PRDM16: variants seen among roughly 807,000 people sequenced by gnomAD.
PRDM16 encodes PR/SET domain 16, also known as histone-lysine N-methyltransferase PRDM16.
In PRDM16, 23 loss-of-function variants were observed where a neutral mutation model predicts 110.6. That is an observed-to-expected ratio of 0.21 (90% CI 0.15 to 0.29). The LOEUF (loss-of-function observed/expected upper bound fraction) is 0.29. Among genes scored for constraint, PRDM16 ranks in the 10% least tolerant of loss-of-function variants. The probability of loss-of-function intolerance (pLI) is 1.00; values close to 1 mark genes in which losing one functional copy is unlikely to be tolerated. For synonymous variants in PRDM16, 799 were observed against 781.8 expected, an observed-to-expected ratio of 1.02 and a Z score of -0.37; for missense variants, 1,615 against 1,794.3, an observed-to-expected ratio of 0.90 and a Z score of 1.81.
chr1:3,248,678 A>G (rs568130351), intron 3 of PRDM16, among the ~76,000 whole-genome samples: 4 of 152,352 alleles, frequency 2.6e-5, no homozygotes, highest in Non-Finnish European at 5.9e-5. Context: ...TATTATTATT[A>G]CGTACAAAAT....
chr1:3,271,396 G>A (rs1226785574), intron 3 of PRDM16, among the ~76,000 whole-genome samples: 2 of 152,172 alleles, frequency 1.3e-5, no homozygotes, highest in African/African-American at 4.8e-5. Flanking sequence ...GTGACTAAGG[G>A]AAGTTTGGGG....
chr1:3,255,002 G>A lies in PRDM16; in HGVS notation c.438+10865G>A, dbSNP rs539390399. ...GAACAGAGCCCTCAGAAATAACGCCGCATGTCTACAACTATCTGATCTTTG... is the reference window on the plus strand; with the variant it reads ...GAACAGAGCCCTCAGAAATAACGCCACATGTCTACAACTATCTGATCTTTG... On this transcript the variant is annotated intron_variant, in intron 3 of 16. Transcript: ENST00000270722. The surrounding 1 kb of genome is among the most constrained non-coding windows in gnomAD (Gnocchi z 4.7). Among the ~76,000 whole-genome samples the A allele has an allele frequency of 3.0e-4, 46 of 152,146 alleles. 2 individuals carry two copies. In the South Asian group the frequency reaches 4.8e-3, roughly 16 times the overall value.
Position 3,118,126 on chromosome 1 carries a change from T to C in PRDM16, c.37+48830T>C, listed in dbSNP as rs566976608. Among the ~76,000 whole-genome samples, 1,150 of 151,100 alleles carry C rather than the reference T, an allele frequency of 7.6e-3. 16 individuals carry two copies. Among genetic ancestry groups the C allele is most frequent in the African/African-American group, 0.026 (1,087 of 41,228 alleles). On this transcript the variant is annotated intron_variant, in intron 1 of 16. Coordinates refer to ENST00000270722, the MANE Select transcript of PRDM16 (RefSeq NM_022114.4). Reference sequence around the variant, plus strand: ...GCATGTGTGTGTGCGTGTGCGTGTGTGCGTGTGTACATGCATGTGTGTGCA... The same window carrying C: ...GCATGTGTGTGTGCGTGTGCGTGTGCGCGTGTGTACATGCATGTGTGTGCA...
intron 1 of PRDM16, among the ~76,000 whole-genome samples, chr1:3,099,430 C>T (rs1642481948): frequency 6.6e-6 from 1 of 152,244 alleles, no homozygotes; most frequent in South Asian, 2.1e-4. Context: ...CCCCGGAGCC[C>T]CGGATGCTCA....
intron 3 of PRDM16, among the ~76,000 whole-genome samples, chr1:3,325,663 G>A (rs1641872515): frequency 6.6e-6 from 1 of 152,172 alleles, no homozygotes; most frequent in Non-Finnish European, 1.5e-5. Flanking sequence ...GGGAGGTCAG[G>A]GTTGGCTCCT....
At chr1:3,352,628 T>C (rs1013894038) in intron 3 of PRDM16, among the ~76,000 whole-genome samples, 30 of 152,268 alleles carry the variant, frequency 2.0e-4, no homozygotes, top group Non-Finnish European at 4.4e-4. Flanking sequence ...CAGCACAGCT[T>C]GTTCCCGAAT....
intron 1 of PRDM16, among the ~76,000 whole-genome samples, chr1:3,118,454 G>A (rs747523196): frequency 1.3e-5 from 2 of 152,146 alleles, no homozygotes; most frequent in Non-Finnish European, 2.9e-5. Flanking sequence ...GCTGGCAAGG[G>A]GGCAGCTTTG....
intron 3 of PRDM16, among the ~76,000 whole-genome samples, chr1:3,256,786 G>A (rs1052517528): frequency 1.3e-5 from 2 of 152,128 alleles, no homozygotes; most frequent in African/African-American, 4.8e-5. Flanking sequence ...GAACCCAGGA[G>A]GCAGAGCTTG....
At chr1:3,249,447 G>A (rs547516592) in intron 3 of PRDM16, among the ~76,000 whole-genome samples, 9 of 151,756 alleles carry the variant, frequency 5.9e-5, no homozygotes, top group South Asian at 2.1e-4. Context: ...GGTTCAGACC[G>A]CCTTTTCCCG....
At chr1:3,303,663 G>A (rs545623125) in intron 3 of PRDM16, among the ~76,000 whole-genome samples, 18 of 152,284 alleles carry the variant, frequency 1.2e-4, no homozygotes, top group Middle Eastern at 3.4e-3. Context: ...CGGCTGCACC[G>A]GTTCACATTC....
Position 3,248,137 on chromosome 1 carries a change from A to C in PRDM16, c.438+4000A>C, listed in dbSNP as rs1224031666. Among the ~76,000 whole-genome samples, 4 of 152,238 alleles carry C rather than the reference A, an allele frequency of 2.6e-5. No homozygotes were observed. The East Asian group carries it at 7.7e-4, about 29-fold the overall frequency. On this transcript the variant is annotated intron_variant, in intron 3 of 16. Coordinates refer to ENST00000270722, the MANE Select transcript of PRDM16 (RefSeq NM_022114.4). ...AATGGCCATCTTATCAAAATCCAAT[A>C]GGATAGACATTTGGCAAAAGGCTTA...
intron 1 of PRDM16, among the ~76,000 whole-genome samples, chr1:3,101,630 G>C (rs868163149): frequency 4.6e-5 from 7 of 152,214 alleles, no homozygotes; most frequent in Admixed American, 1.3e-4. Context: ...CAGGGCACCC[G>C]TGGGGGTCTC....
At chr1:3,135,973 TC>T (rs1643429719) in intron 1 of PRDM16, among the ~76,000 whole-genome samples, 1 of 151,980 alleles carries the variant, frequency 6.6e-6, no homozygotes, top group Admixed American at 6.5e-5. Flanking sequence ...CCTGGGCGTC[TC>T]CCTTTGTTTT....
intron 3 of PRDM16, among the ~76,000 whole-genome samples, chr1:3,302,310 A>G (rs915022346): frequency 2.6e-5 from 4 of 152,200 alleles, no homozygotes; most frequent in South Asian, 2.1e-4. Context: ...TTGGTCTACC[A>G]TACCGTAGTA....
intron 3 of PRDM16, among the ~76,000 whole-genome samples, chr1:3,252,189 A>G (rs1403703816): frequency 6.6e-6 from 1 of 152,148 alleles, no homozygotes; most frequent in Non-Finnish European, 1.5e-5. Flanking sequence ...CCCTGTAGCT[A>G]GGTGCCCAAT....
At chr1:3,242,037 C>T (rs1343929348) in intron 2 of PRDM16, among the ~76,000 whole-genome samples, 1 of 152,206 alleles carries the variant, frequency 6.6e-6, no homozygotes, top group Non-Finnish European at 1.5e-5. Context: ...TTGAATGGGC[C>T]GTGGCATGCA....
chr1:3,258,886 C>T (rs1453702955), intron 3 of PRDM16, among the ~76,000 whole-genome samples: 2 of 152,344 alleles, frequency 1.3e-5, no homozygotes, highest in African/African-American at 4.8e-5. Flanking sequence ...TCTGGGTTAC[C>T]AAGGCCCCAA....
intron 1 of PRDM16, among the ~76,000 whole-genome samples, chr1:3,124,179 A>C (rs956280532): frequency 1.3e-5 from 2 of 152,120 alleles, no homozygotes; most frequent in African/African-American, 4.8e-5. Context: ...TGGCTCCTGG[A>C]GTCCTGGGGG....
At chr1:3,318,970 C>A (rs577114723) in intron 3 of PRDM16, among the ~76,000 whole-genome samples, 21 of 152,362 alleles carry the variant, frequency 1.4e-4, no homozygotes, top group Admixed American at 1.2e-3. Flanking sequence ...ATTTTTAATG[C>A]TGCAAATGGC....
Sources: gnomAD v4.1 joint callset for allele counts (sites outside exome capture counted in the v4.1 genomes callset) on GRCh38, gnomAD v4.1.1 for gene constraint, Gnocchi (gnomAD v3.1) non-coding constraint, MANE v1.5 for transcripts, NCBI Gene and HGNC (gene_info 2026-07-23, HGNC 2026-07-21) for gene names.